Variants in METTL24 observed in about 807,000 individuals in gnomAD.
METTL24 encodes methyltransferase like 24.
In METTL24, 29 loss-of-function variants were observed where a neutral mutation model predicts 32.7. The observed-to-expected ratio is 0.89, with a 90% confidence interval of 0.66 to 1.21. The LOEUF (loss-of-function observed/expected upper bound fraction) is 1.21. METTL24 is among the 50% of genes most tolerant of loss of function. The pLI is 0.00. For missense variants in METTL24, 439 were observed against 468.1 expected, an observed-to-expected ratio of 0.94 and a Z score of 0.57; for synonymous variants, 163 against 179.5, an observed-to-expected ratio of 0.91 and a Z score of 0.73.
At chr6:110,298,017 G>T (rs148830836) in intron 4 of METTL24, among the ~76,000 whole-genome samples, 2,166 of 151,956 alleles carry the variant, frequency 0.014, 49 homozygotes, top group African/African-American at 0.05. Context: ...GGAGGAAGAG[G>T]GGAGGAGGAG....
In METTL24 at chr6:110,244,233, A is replaced by G. The variant is rs1278177676; in HGVS notation, c.*1713T>C. ...TAAAAAAGATTTGACAGCATAGGCAAGTCTGTGGGTGGTAAATCATGTTTG... is the reference window on the plus strand; with the variant it reads ...TAAAAAAGATTTGACAGCATAGGCAGGTCTGTGGGTGGTAAATCATGTTTG... On this transcript the variant is annotated 3_prime_UTR_variant, in exon 5 of 5. Transcript: ENST00000338882. Among the ~76,000 whole-genome samples, 6 of 152,202 alleles carry G rather than the reference A, an allele frequency of 3.9e-5. No individual in the cohort carries two copies. The highest frequency in any genetic ancestry group is 7.3e-5 in the Non-Finnish European group (5 of 68,040).
intron 4 of METTL24, among the ~76,000 whole-genome samples, chr6:110,283,642 A>G (rs1771174284): frequency 6.6e-6 from 1 of 152,120 alleles, no homozygotes; most frequent in Non-Finnish European, 1.5e-5. Context: ...TCTATTAAAC[A>G]TTTCCATAGC....
In METTL24 at chr6:110,358,017, C is replaced by T; in HGVS notation, c.256G>A (p.Gly86Ser). 1 of 1,153,186 alleles carries T rather than the reference C, an allele frequency of 8.7e-7. No homozygotes were observed. Among genetic ancestry groups the T allele is most frequent in the Middle Eastern group, 3.3e-4 (1 of 2,986 alleles). 71.4% of individuals were successfully genotyped at this position (1,153,186 alleles called of 1,614,324 possible). The change falls in exon 1 of 5, where the codon GGC becomes AGC. Residue 86 changes from glycine to serine, a missense_variant. Physicochemically the swap from Gly to Ser is moderately conservative, Grantham distance 56 (BLOSUM62 0). Transcript: ENST00000338882. ...VRSGRRAPPG[G>S]GGSGTPEPGC... ...GGCTCCGGCGTCCCGCTCCCGCCGC[C>T]CCCCGGCGGCGCCCGGCGACCGCTG...
intron 1 of METTL24, among the ~76,000 whole-genome samples, chr6:110,336,403 C>G (rs1772229112): frequency 6.6e-6 from 1 of 152,180 alleles, no homozygotes; most frequent in Non-Finnish European, 1.5e-5. Context: ...CATAACCTAG[C>G]CTATCCTGAT....
rs114625709 is a variant in METTL24, at chr6:110,346,388, G to A, written c.318+11567C>T. 1.1e-3 allele frequency among the ~76,000 whole-genome samples: 172 copies of A among 152,290 alleles called. 2 individuals carry two copies. Among genetic ancestry groups the A allele is most frequent in the African/African-American group, 2.8e-3 (116 of 41,562 alleles). ...AAGCAAGAAAAAATTGTCAGAGAGC[G>A]GTAATGCTATGGAGAAAACAGGAGA... On this transcript the variant is annotated intron_variant, in intron 1 of 4. Coordinates refer to ENST00000338882, the MANE Select transcript of METTL24 (RefSeq NM_001123364.3).
intron 1 of METTL24, among the ~76,000 whole-genome samples, chr6:110,350,247 T>C (rs1772568044): frequency 6.6e-6 from 1 of 152,226 alleles, no homozygotes; most frequent in South Asian, 2.1e-4. Context: ...GTGCCTAATA[T>C]GGACAACTAA....
intron 4 of METTL24, among the ~76,000 whole-genome samples, chr6:110,281,350 G>A (rs955895795): frequency 2.9e-4 from 44 of 152,038 alleles, no homozygotes; most frequent in Non-Finnish European, 8.8e-5. Context: ...ATCAAATGGG[G>A]TGATTACATT....
intron 4 of METTL24, among the ~76,000 whole-genome samples, chr6:110,281,666 G>C (rs527763590): frequency 1.3e-5 from 2 of 151,416 alleles, no homozygotes; most frequent in South Asian, 4.2e-4. Context: ...AAAAAAAGGA[G>C]CGGGGGGAGT....
chr6:110,295,177 CATGCCCAGCTAATTTTTTAAATCTT>C (rs1379440003), intron 4 of METTL24, among the ~76,000 whole-genome samples: 1 of 151,892 alleles, frequency 6.6e-6, no homozygotes, highest in Non-Finnish European at 1.5e-5. Context: ...CACATGTCAC[CATGCCCAGCTAATTTTTTAAATCTT>C]ATGCCCAGCT....
chr6:110,315,083 T>C (rs1172438685), intron 3 of METTL24, among the ~76,000 whole-genome samples: 2 of 151,592 alleles, frequency 1.3e-5, no homozygotes, highest in Non-Finnish European at 2.9e-5. Context: ...CACCAAGAGG[T>C]TTATCCACAT....
chr6:110,262,382 T>C (rs1440465963), intron 4 of METTL24, among the ~76,000 whole-genome samples: 1 of 152,114 alleles, frequency 6.6e-6, no homozygotes, highest in Non-Finnish European at 1.5e-5. Flanking sequence ...ATGGATAAAT[T>C]CCTCGACACA....
rs1453541939 is a variant in METTL24 at position 110,282,619 on chromosome 6, C to G, written c.786+16303G>C. On this transcript the variant is annotated intron_variant, in intron 4 of 4. Coordinates refer to ENST00000338882, the MANE Select transcript of METTL24 (RefSeq NM_001123364.3). Reference sequence around the variant, plus strand: ...AGCAACTCCCACTGGGCACCACGGCCCAATGCCTGCTACCTGACCCAAAGC... The same window carrying G: ...AGCAACTCCCACTGGGCACCACGGCGCAATGCCTGCTACCTGACCCAAAGC... Among the ~76,000 whole-genome samples the G allele has an allele frequency of 2.0e-5, 3 of 152,224 alleles. No homozygotes were observed. In the East Asian group the frequency reaches 5.8e-4, roughly 29 times the overall value.
chr6:110,353,653 G>A lies in METTL24; in HGVS notation c.318+4302C>T. 2.0e-5 allele frequency among the ~76,000 whole-genome samples: 3 copies of A among 149,240 alleles called. No individual in the cohort carries two copies. The South Asian group carries it at 6.4e-4, about 32-fold the overall frequency. Reference sequence around the variant, plus strand: ...GGTTCTGGAGCTCTGTGACTCAGAAGTCACTTTTCTATCCAACATATTAAA... The same window carrying A: ...GGTTCTGGAGCTCTGTGACTCAGAAATCACTTTTCTATCCAACATATTAAA... On this transcript the variant is annotated intron_variant, in intron 1 of 4. Transcript: ENST00000338882.
At chr6:110,356,280 T>TACA (rs1772695238) in intron 1 of METTL24, among the ~76,000 whole-genome samples, 1 of 151,740 alleles carries the variant, frequency 6.6e-6, no homozygotes, top group African/African-American at 2.4e-5. Flanking sequence ...CCATCTCTAT[T>TACA]AAAAATACAA....
At chr6:110,347,797 G>GA (rs143701674) in intron 1 of METTL24, among the ~76,000 whole-genome samples, 2,700 of 151,792 alleles carry the variant, frequency 0.018, 70 homozygotes, top group African/African-American at 0.062. Context: ...GCTTTGAGAG[G>GA]AAAAAAAATC....
intron 1 of METTL24, among the ~76,000 whole-genome samples, chr6:110,338,755 A>C (rs1772289348): frequency 6.6e-6 from 1 of 152,216 alleles, no homozygotes; most frequent in Non-Finnish European, 1.5e-5. Flanking sequence ...CTCTACTTGA[A>C]ATCATTAAGG....
intron 1 of METTL24, among the ~76,000 whole-genome samples, chr6:110,330,049 G>A (rs1582429855): frequency 6.6e-6 from 1 of 152,250 alleles, no homozygotes; most frequent in Admixed American, 6.5e-5. Context: ...GCCTGGCACC[G>A]GTGGTGGGCA....
At chr6:110,252,329 G>A (rs953502099) in intron 4 of METTL24, among the ~76,000 whole-genome samples, 6 of 152,156 alleles carry the variant, frequency 3.9e-5, no homozygotes, top group African/African-American at 9.7e-5. Context: ...AAGTCCTCCC[G>A]ACTTGGCTTG....
At chr6:110,285,063 T>G (rs918264005) in intron 4 of METTL24, among the ~76,000 whole-genome samples, 2 of 152,248 alleles carry the variant, frequency 1.3e-5, no homozygotes, top group Non-Finnish European at 2.9e-5. Context: ...AGTGCAGGCA[T>G]GTGCTATAAA....
Sources: allele counts gnomAD v4.1 joint callset (sites outside exome capture counted in the v4.1 genomes callset), GRCh38; gene constraint gnomAD v4.1.1; transcripts MANE v1.5; gene names NCBI Gene and HGNC (gene_info 2026-07-23, HGNC 2026-07-21).